MACROD2: variants seen among roughly 807,000 people sequenced by gnomAD.
The protein encoded by MACROD2 is mono-ADP ribosylhydrolase 2, also known as ADP-ribose glycohydrolase MACROD2.
A neutral mutation model predicts 70.4 loss-of-function variants in MACROD2; 36 were observed. That is an observed-to-expected ratio of 0.51 (90% CI 0.39 to 0.68). The LOEUF (loss-of-function observed/expected upper bound fraction) is 0.68. Among genes scored for constraint, MACROD2 ranks in the 30% least tolerant of loss-of-function variants. The pLI is 0.00. For missense variants in MACROD2, 496 were observed against 538.4 expected (o/e 0.92, Z 0.78); for synonymous variants, 172 against 178.8 (o/e 0.96, Z 0.30).
chr20:14,510,021 T>G (rs531720589), intron 4 of MACROD2, among the ~76,000 whole-genome samples: 27 of 152,168 alleles, frequency 1.8e-4, no homozygotes, highest in African/African-American at 5.5e-4. Context: ...AAAACATAGT[T>G]AAAATATTCC....
chr20:14,378,469 G>T (rs1333346860), intron 3 of MACROD2, among the ~76,000 whole-genome samples: 1 of 152,138 alleles, frequency 6.6e-6, no homozygotes, highest in Non-Finnish European at 1.5e-5. Context: ...CAGGATAACT[G>T]AGGGGCCACC....
chr20:14,100,669 AATGTATTTAT>A (rs1187504952), intron 3 of MACROD2, among the ~76,000 whole-genome samples: 3 of 133,616 alleles, frequency 2.2e-5, no homozygotes, highest in African/African-American at 8.4e-5. Flanking sequence ...TATATATTTA[AATGTATTTAT>A]ATATTTATTT....
At chr20:15,619,601 G>T in intron 8 of MACROD2, 1 of 444,510 alleles carries the variant, frequency 2.2e-6, no homozygotes, top group Non-Finnish European at 4.1e-6. Flanking sequence ...CTTGGCAGCT[G>T]CTTATTCTCC....
intron 8 of MACROD2, among the ~76,000 whole-genome samples, chr20:15,771,171 C>T (rs2051618467): frequency 6.6e-6 from 1 of 151,896 alleles, no homozygotes; most frequent in Non-Finnish European, 1.5e-5. Context: ...GTCTCTTCTT[C>T]TTGTGTTTGT....
chr20:14,160,932 C>T (rs1306821219), intron 3 of MACROD2, among the ~76,000 whole-genome samples: 1 of 151,942 alleles, frequency 6.6e-6, no homozygotes, highest in African/African-American at 2.4e-5. Flanking sequence ...CTGGTATTTC[C>T]ATCACCCACA....
intron 2 of MACROD2, among the ~76,000 whole-genome samples, chr20:14,064,970 TG>T (rs1160432374): frequency 2.6e-5 from 4 of 152,242 alleles, no homozygotes; most frequent in Non-Finnish European, 5.9e-5. Context: ...AAAATGATTT[TG>T]GTATTTTACT....
intron 3 of MACROD2, among the ~76,000 whole-genome samples, chr20:14,343,908 C>T (rs1342120806): frequency 1.3e-5 from 2 of 152,070 alleles, no homozygotes; most frequent in East Asian, 1.9e-4. Context: ...CCAAAGTGGT[C>T]GTCATTTTGA....
intron 6 of MACROD2, among the ~76,000 whole-genome samples, chr20:15,378,689 C>A (rs2045599784): frequency 6.6e-6 from 1 of 152,058 alleles, no homozygotes; most frequent in Non-Finnish European, 1.5e-5. Context: ...AGATTAATGA[C>A]ACACAATCAC....
intron 3 of MACROD2, among the ~76,000 whole-genome samples, chr20:14,265,052 A>C (rs1264114149): frequency 1.3e-5 from 2 of 152,202 alleles, no homozygotes; most frequent in African/African-American, 4.8e-5. Flanking sequence ...CTGATGTTTC[A>C]TGTGCTGCTT....
intron 6 of MACROD2, among the ~76,000 whole-genome samples, chr20:15,369,713 T>C (rs565367945): frequency 1.1e-4 from 16 of 152,082 alleles, no homozygotes; most frequent in African/African-American, 3.9e-4. Context: ...CAAAAAGAAG[T>C]GGAGAGGAGG....
intron 8 of MACROD2, among the ~76,000 whole-genome samples, chr20:15,639,816 A>G (rs946259512): frequency 6.6e-6 from 1 of 152,054 alleles, no homozygotes; most frequent in African/African-American, 2.4e-5. Flanking sequence ...GGGGAAAGAG[A>G]AAAGGAAAGA....
chr20:14,806,351 G>A (rs996270645), intron 5 of MACROD2, among the ~76,000 whole-genome samples: 10 of 152,062 alleles, frequency 6.6e-5, no homozygotes, highest in African/African-American at 1.9e-4. Context: ...AGCACAAGGG[G>A]TTGGGGAACT....
intron 4 of MACROD2, among the ~76,000 whole-genome samples, chr20:14,662,856 G>A (rs1986291526): frequency 6.6e-6 from 1 of 151,888 alleles, no homozygotes; most frequent in Non-Finnish European, 1.5e-5. Flanking sequence ...CAAGATTGTG[G>A]AGAAATACAC....
chr20:15,779,276 A>G (rs1023077076), intron 8 of MACROD2, among the ~76,000 whole-genome samples: 1 of 152,156 alleles, frequency 6.6e-6, no homozygotes, highest in African/African-American at 2.4e-5. Context: ...TAGATCACAG[A>G]ACAGCTACAT....
At chr20:14,095,112 C>G (rs913966244) in intron 3 of MACROD2, among the ~76,000 whole-genome samples, 1 of 152,154 alleles carries the variant, frequency 6.6e-6, no homozygotes, top group South Asian at 2.1e-4. Context: ...GAATGAGTGT[C>G]AGTACTATGG....
intron 5 of MACROD2, among the ~76,000 whole-genome samples, chr20:14,738,243 A>G (rs1430596714): frequency 6.6e-6 from 1 of 152,130 alleles, no homozygotes; most frequent in African/African-American, 2.4e-5. Context: ...GAATAATTTC[A>G]AAAAATATTA....
chr20:14,893,650 C>T (rs866056769), intron 5 of MACROD2: 2 of 151,830 alleles, frequency 1.3e-5, no homozygotes, highest in South Asian at 2.1e-4. Context: ...ATTTTTAATA[C>T]TTGGTTACTA....
chr20:15,591,009 AAAAG>A (rs1470744487), intron 8 of MACROD2, among the ~76,000 whole-genome samples: 5 of 152,148 alleles, frequency 3.3e-5, no homozygotes, highest in Non-Finnish European at 7.4e-5. Context: ...CAGAGAGAGA[AAAAG>A]AAAGAAAGAG....
At chr20:14,016,997 T>TA (rs2053002186) in intron 2 of MACROD2, among the ~76,000 whole-genome samples, 2 of 152,270 alleles carry the variant, frequency 1.3e-5, no homozygotes, top group East Asian at 3.9e-4. Context: ...TCTTTCTACT[T>TA]ACTTATGTTT....
Sources: allele counts gnomAD v4.1 joint callset (sites outside exome capture counted in the v4.1 genomes callset), GRCh38; gene constraint gnomAD v4.1.1; transcripts MANE v1.5; gene names NCBI Gene and HGNC (gene_info 2026-07-23, HGNC 2026-07-21).